LRP1B: variants seen among roughly 807,000 people sequenced by gnomAD.
The protein encoded by LRP1B is low-density lipoprotein receptor-related protein 1B.
LRP1B carries 217 observed loss-of-function variants against 556.6 expected under a neutral mutation model. That is an observed-to-expected ratio of 0.39 (90% CI 0.35 to 0.44). LRP1B has a LOEUF of 0.44. Among genes scored for constraint, LRP1B ranks in the 20% least tolerant of loss-of-function variants. The pLI is 1.00. For synonymous variants in LRP1B, 2,047 were observed against 1,865.8 expected (o/e 1.10, Z -2.50); for missense variants, 5,053 against 5,620.8 (o/e 0.90, Z 3.23).
intron 1 of LRP1B, among the ~76,000 whole-genome samples, chr2:142,015,598 T>A (rs74205619): frequency 0.025 from 3,815 of 152,144 alleles, 164 homozygotes; most frequent in East Asian, 0.17. Flanking sequence ...CCCTACAGAA[T>A]GAGAGAAAAT....
At chr2:140,548,259 G>T (rs1171029399) in intron 43 of LRP1B, among the ~76,000 whole-genome samples, 1 of 152,072 alleles carries the variant, frequency 6.6e-6, no homozygotes, top group East Asian at 1.9e-4. Context: ...TTGATATAAG[G>T]TTTAACTCCA....
chr2:141,968,628 A>T (rs189318864), intron 1 of LRP1B, among the ~76,000 whole-genome samples: 1 of 151,966 alleles, frequency 6.6e-6, no homozygotes, highest in Admixed American at 6.6e-5. Flanking sequence ...TCCAAATTGT[A>T]GAAATATTCT....
intron 35 of LRP1B, among the ~76,000 whole-genome samples, chr2:140,744,016 A>G (rs1688235324): frequency 6.7e-6 from 1 of 149,720 alleles, no homozygotes; most frequent in African/African-American, 2.4e-5. Context: ...CCATAGACAT[A>G]GACTAAAACA....
At chr2:141,850,502 T>C (rs1010930257) in intron 1 of LRP1B, among the ~76,000 whole-genome samples, 5 of 151,496 alleles carry the variant, frequency 3.3e-5, no homozygotes, top group Admixed American at 1.3e-4. Flanking sequence ...ATTCATGATT[T>C]CTAGATAATA....
intron 6 of LRP1B, among the ~76,000 whole-genome samples, chr2:141,210,069 G>GA (rs72137174): frequency 0.39 from 56,964 of 147,098 alleles, 11,229 homozygotes; most frequent in East Asian, 0.7. Context: ...GTTACAGCCT[G>GA]AAAAAAAAAA....
intron 2 of LRP1B, among the ~76,000 whole-genome samples, chr2:141,519,778 A>C (rs1387554913): frequency 6.6e-6 from 1 of 152,072 alleles, no homozygotes; most frequent in Non-Finnish European, 1.5e-5. Context: ...AGTAGGAAAA[A>C]AAGCGTTCTT....
At chr2:141,658,556 C>A (rs1479615688) in intron 2 of LRP1B, among the ~76,000 whole-genome samples, 6 of 152,190 alleles carry the variant, frequency 3.9e-5, no homozygotes, top group Admixed American at 3.9e-4. Context: ...CCCAGCTGAA[C>A]TATTTTTCAT....
chr2:141,656,405 T>C (rs1690010151), intron 2 of LRP1B, among the ~76,000 whole-genome samples: 1 of 152,152 alleles, frequency 6.6e-6, no homozygotes, highest in African/African-American at 2.4e-5. Context: ...AAAAGTATTG[T>C]AAAAAATCAA....
intron 7 of LRP1B, among the ~76,000 whole-genome samples, chr2:141,078,025 T>C (rs1699834507): frequency 6.6e-6 from 1 of 151,536 alleles, no homozygotes; most frequent in Non-Finnish European, 1.5e-5. Flanking sequence ...TTAAATTTCC[T>C]TTTTTTTAAA....
At chr2:140,697,083 G>A (rs1345961483) in intron 41 of LRP1B, among the ~76,000 whole-genome samples, 1 of 152,078 alleles carries the variant, frequency 6.6e-6, no homozygotes, top group South Asian at 2.1e-4. Flanking sequence ...CCCTGGGCTC[G>A]ACCGATGTTT....
chr2:140,332,651 C>T (rs1378168208), intron 79 of LRP1B, among the ~76,000 whole-genome samples: 1 of 152,020 alleles, frequency 6.6e-6, no homozygotes, highest in Admixed American at 6.6e-5. Flanking sequence ...GATCCCCTTG[C>T]CTGTCATAAA....
At chr2:141,272,992 G>T (rs1573739312) in intron 3 of LRP1B, among the ~76,000 whole-genome samples, 1 of 152,116 alleles carries the variant, frequency 6.6e-6, no homozygotes, top group Non-Finnish European at 1.5e-5. Context: ...ACAACATCTT[G>T]TCCAACAATA....
intron 3 of LRP1B, among the ~76,000 whole-genome samples, chr2:141,261,411 C>A (rs766261737): frequency 2.0e-5 from 3 of 152,086 alleles, no homozygotes; most frequent in South Asian, 2.1e-4. Flanking sequence ...ACGTACAATG[C>A]TGCAAGTTTT....
intron 3 of LRP1B, among the ~76,000 whole-genome samples, chr2:141,412,386 G>A (rs931806689): frequency 6.6e-6 from 1 of 152,130 alleles, no homozygotes; most frequent in Non-Finnish European, 1.5e-5. Flanking sequence ...AGAGCCTTAT[G>A]CGATAATTTA....
chr2:141,725,764 G>C (rs1693005810), intron 2 of LRP1B, among the ~76,000 whole-genome samples: 1 of 151,628 alleles, frequency 6.6e-6, no homozygotes. Flanking sequence ...ATGTAGCTGA[G>C]AGAACACAGG....
At chr2:140,548,026 A>G (rs1474110735) in intron 43 of LRP1B, among the ~76,000 whole-genome samples, 1 of 152,020 alleles carries the variant, frequency 6.6e-6, no homozygotes, top group Non-Finnish European at 1.5e-5. Context: ...AGAAATAAAT[A>G]TTTAGCAAAA....
intron 18 of LRP1B, among the ~76,000 whole-genome samples, chr2:140,964,714 T>G (rs1004233784): frequency 5.3e-5 from 8 of 152,072 alleles, no homozygotes; most frequent in Non-Finnish European, 8.8e-5. Flanking sequence ...TAATGATTAA[T>G]GATACTCATA....
chr2:141,004,369 G>C (rs1412055101), intron 15 of LRP1B, among the ~76,000 whole-genome samples: 1 of 151,996 alleles, frequency 6.6e-6, no homozygotes, highest in African/African-American at 2.4e-5. Flanking sequence ...GAACAAAAAG[G>C]CTGAACCTGT....
chr2:141,053,903 C>T (rs1315367272), intron 10 of LRP1B, among the ~76,000 whole-genome samples: 2 of 151,702 alleles, frequency 1.3e-5, no homozygotes, highest in African/African-American at 2.4e-5. Context: ...ACTACATAGA[C>T]ACACATGTAC....
Sources: gnomAD v4.1 joint callset for allele counts (sites outside exome capture counted in the v4.1 genomes callset) on GRCh38, gnomAD v4.1.1 for gene constraint, MANE v1.5 for transcripts, NCBI Gene and HGNC (gene_info 2026-07-23, HGNC 2026-07-21) for gene names.